Variants in OTOP3 observed in about 807,000 individuals in gnomAD.
OTOP3 encodes the protein proton channel OTOP3.
In OTOP3, 41 loss-of-function variants were observed where a neutral mutation model predicts 50.8. The observed-to-expected ratio is 0.81, with a 90% CI of 0.63 to 1.05. The LOEUF (loss-of-function observed/expected upper bound fraction) is 1.05, where lower values mean the gene tolerates loss of function less well. OTOP3 is among the 50% of genes least tolerant of loss of function. The pLI, the probability that OTOP3 is intolerant of heterozygous loss-of-function variation, is 0.00. For synonymous variants in OTOP3, 320 were observed against 324.4 expected (o/e 0.99, Z 0.14); for missense variants, 788 against 760.8 (o/e 1.04, Z -0.42).
chr17:74,937,053 C>T (rs2039125694), intron 1 of OTOP3, among the ~76,000 whole-genome samples: 1 of 150,110 alleles, frequency 6.7e-6, no homozygotes, highest in Non-Finnish European at 1.5e-5. Flanking sequence ...GCCTCAGCCT[C>T]CCAGGCTGAA....
rs1462795015 is a variant in OTOP3, at chr17:74,941,776, C to A, written c.403C>A (p.Gln135Lys). 3 of 1,612,814 alleles carry A rather than the reference C, an allele frequency of 1.9e-6. No individual in the cohort carries two copies. The highest frequency in any genetic ancestry group is 2.5e-6 in the Non-Finnish European group (3 of 1,179,350). Residue 135 changes from glutamine (Q) to lysine (K), a missense_variant, in exon 2 of 7, where the codon CAA becomes AAA. By Grantham distance (53) the Gln-to-Lys change is moderately conservative. Coordinates refer to ENST00000328801, the MANE Select transcript of OTOP3 (RefSeq NM_001272005.2). Reference protein sequence around the residue: ...TTRRPHAVLYQDPHAGPLWVR... With the variant: ...TTRRPHAVLYKDPHAGPLWVR... ...CCGCCGACCACACGCCGTGCTCTAC[C>A]AAGATCCCCACGCGGGGCCCCTCTG...
At chr17:74,937,924 C>T (rs1328997149) in intron 1 of OTOP3, among the ~76,000 whole-genome samples, 5 of 151,514 alleles carry the variant, frequency 3.3e-5, no homozygotes, top group Non-Finnish European at 7.4e-5. Context: ...GGAGGATGGG[C>T]GAGTGGTGGG....
chr17:74,948,917 C>T (rs576072379), intron 6 of OTOP3, among the ~76,000 whole-genome samples: 1 of 152,186 alleles, frequency 6.6e-6, no homozygotes, highest in Non-Finnish European at 1.5e-5. Flanking sequence ...GTGGGGGTGC[C>T]CAGCTTGACA....
intron 1 of OTOP3, among the ~76,000 whole-genome samples, chr17:74,939,802 G>A (rs1207921176): frequency 6.6e-6 from 1 of 152,124 alleles, no homozygotes; most frequent in Non-Finnish European, 1.5e-5. Flanking sequence ...AAAGTCAAGG[G>A]CGTGGCAGCG....
Position 74,935,906 on chromosome 17 carries a change from T to A in OTOP3, c.-16T>A. The A allele has an allele frequency of 6.5e-7, 1 of 1,546,654 alleles. No individual in the cohort carries two copies. The highest frequency in any genetic ancestry group is 8.7e-7 in the Non-Finnish European group (1 of 1,146,622). ...CGATCCGCTCAGCGCCCGCAGTCGG[T>A]GGTTAGCCCACGGCGATGCCTCTCC... On this transcript the variant is annotated 5_prime_UTR_variant, in exon 1 of 7. Coordinates refer to ENST00000328801, the MANE Select transcript of OTOP3 (RefSeq NM_001272005.2).
In OTOP3 at chr17:74,947,380, G is replaced by A; in HGVS notation, c.1471G>A (p.Ala491Thr). 1.2e-6 allele frequency: 2 copies of A among 1,613,054 alleles called. No individual in the cohort carries two copies. The highest frequency in any genetic ancestry group is 1.7e-6 in the Non-Finnish European group (2 of 1,180,010). Residue 491 changes from alanine (A) to threonine (T), a missense_variant, in exon 6 of 7, where the codon GCC becomes ACC. Transcript: ENST00000328801. ...LLELGQGLQR[A>T]SLAYIHSYSH... ...GGAGCTGGGCCAGGGCCTGCAGCGG[G>A]CCTCACTGGCCTACATCCACTCCTA... is the stretch of plus-strand genomic sequence containing the variant.
intron 6 of OTOP3, 98 bp downstream of exon 6, chr17:74,947,573 C>T (rs1454681124): frequency 1.7e-6 from 2 of 1,185,342 alleles, no homozygotes; most frequent in Non-Finnish European, 1.2e-6. Context: ...CATCTTTTTC[C>T]AACTAGCTTG....
In OTOP3 at chr17:74,943,549, G is replaced by T. The variant is rs1164036953; in HGVS notation, c.633-57G>T. 3 of 1,549,992 alleles carry T rather than the reference G, an allele frequency of 1.9e-6. No individual in the cohort carries two copies. In the African/African-American group the frequency reaches 4.1e-5, roughly 21 times the overall value. ...GCCCCAACAACAGTGGATGGTGAGGGTTTGGCACCTGGGGAGCCGGCCAGG... is the reference window on the plus strand; with the variant it reads ...GCCCCAACAACAGTGGATGGTGAGGTTTTGGCACCTGGGGAGCCGGCCAGG... On this transcript the variant is annotated intron_variant, in intron 4 of 6. Transcript: ENST00000328801.
chr17:74,937,763 G>A (rs2039133445), intron 1 of OTOP3, among the ~76,000 whole-genome samples: 1 of 152,164 alleles, frequency 6.6e-6, no homozygotes, highest in Admixed American at 6.5e-5. Flanking sequence ...AGCAGGACCC[G>A]GTCTCTGTCC....
intron 4 of OTOP3, 118 bp downstream of exon 4, chr17:74,943,462 C>A: frequency 1.5e-6 from 2 of 1,374,724 alleles, no homozygotes; most frequent in Non-Finnish European, 2.1e-6. Context: ...GGCCCCAGGG[C>A]TGCCTCTTGT....
At chr17:74,936,402 C>A (rs1046604536) in intron 1 of OTOP3, among the ~76,000 whole-genome samples, 3 of 152,196 alleles carry the variant, frequency 2.0e-5, no homozygotes, top group African/African-American at 4.8e-5. Context: ...CCGGGCCCGA[C>A]GGCTCCGCGG....
rs757273724 is a variant in OTOP3, at chr17:74,949,360, G to A, written c.1681G>A (p.Val561Ile). The change falls in exon 7 of 7, where the codon GTC becomes ATC. Residue 561 changes from valine to isoleucine, a missense_variant. Val to Ile is a conservative substitution (Grantham distance 29, BLOSUM62 3). Transcript: ENST00000328801. Reference protein sequence around the residue: ...AIVNFGLPLGVFYRMHSVGGL... With the variant: ...AIVNFGLPLGIFYRMHSVGGL... ...CGTCAACTTCGGCCTGCCTCTGGGG[G>A]TCTTCTACCGCATGCACTCTGTGGG... 1.6e-5 allele frequency: 26 copies of A among 1,614,018 alleles called. No individual in the cohort carries two copies. The highest frequency in any genetic ancestry group is 2.1e-5 in the Non-Finnish European group (25 of 1,180,006).
intron 5 of OTOP3, among the ~76,000 whole-genome samples, chr17:74,944,355 C>T (rs1467786295): frequency 6.6e-6 from 1 of 152,210 alleles, no homozygotes; most frequent in African/African-American, 2.4e-5. Context: ...GCATCAGTCA[C>T]GACACGCCTG....
chr17:74,938,305 T>C (rs2039138149), intron 1 of OTOP3, among the ~76,000 whole-genome samples: 1 of 151,844 alleles, frequency 6.6e-6, no homozygotes, highest in African/African-American at 2.4e-5. Flanking sequence ...TGGTGTTGCA[T>C]AGAGGGCACG....
At chr17:74,946,602 G>C in intron 5 of OTOP3, 59 bp from the exon 6 acceptor site, 1 of 1,452,426 alleles carries the variant, frequency 6.9e-7, no homozygotes, top group Non-Finnish European at 9.4e-7. Flanking sequence ...TGTGTAGCCA[G>C]TTTCCTCAGA....
chr17:74,943,453 G>C, intron 4 of OTOP3, 109 bp downstream of exon 4: 2 of 1,396,314 alleles, frequency 1.4e-6, no homozygotes, highest in Non-Finnish European at 2.0e-6. Flanking sequence ...GTCCTAGGTG[G>C]CCCCAGGGCT....
upstream of OTOP3, chr17:74,935,873 T>C (rs1410715627): frequency 3.2e-6 from 5 of 1,547,602 alleles, no homozygotes; most frequent in South Asian, 4.8e-5. Flanking sequence ...CGGTCTCACC[T>C]GGACGGACGA....
Position 74,949,393 on chromosome 17 carries a change from G to A in OTOP3, c.1714G>A (p.Val572Met), listed in dbSNP as rs1212474312. The stretch of plus-strand genomic sequence containing the variant: ...CCGCATGCACTCTGTGGGAGGCCTG[G>A]TGGAGGTCTACCTGGGGGCCTGAGG... ...FYRMHSVGGL[V>M]EVYLGA The change falls in exon 7 of 7, where the codon GTG becomes ATG. Residue 572 changes from valine (V) to methionine (M), a missense_variant. Transcript: ENST00000328801. 1.2e-6 allele frequency: 2 copies of A among 1,613,354 alleles called. No individual in the cohort carries two copies. Among genetic ancestry groups the A allele is most frequent in the Non-Finnish European group, 1.7e-6 (2 of 1,179,880 alleles).
rs552469387 is a variant in OTOP3 at position 74,947,239 on chromosome 17, A to G, written c.1330A>G (p.Ile444Val). The change falls in exon 6 of 7, where the codon ATC becomes GTC. Residue 444 changes from isoleucine to valine, a missense_variant. Ile to Val is a conservative substitution (Grantham distance 29). Coordinates refer to ENST00000328801, the MANE Select transcript of OTOP3 (RefSeq NM_001272005.2). ...AYSLLLILQHIAQNLFIIEGL... is the reference protein window; with the variant it reads ...AYSLLLILQHVAQNLFIIEGL... The stretch of plus-strand genomic sequence containing the variant: ...CTCGCTGCTGCTCATCCTGCAGCAC[A>G]TCGCTCAGAACCTCTTCATCATCGA... 1.2e-6 allele frequency: 2 copies of G among 1,613,960 alleles called. No individual in the cohort carries two copies. Among genetic ancestry groups the G allele is most frequent in the African/African-American group, 1.3e-5 (1 of 75,060 alleles).
Sources: allele counts gnomAD v4.1 joint callset (sites outside exome capture counted in the v4.1 genomes callset), GRCh38; gene constraint gnomAD v4.1.1; transcripts MANE v1.5; gene names NCBI Gene and HGNC (gene_info 2026-07-23, HGNC 2026-07-21).